Variants in TGS1 observed in about 807,000 individuals in gnomAD.
TGS1 encodes trimethylguanosine synthase 1.
In TGS1, 69 loss-of-function variants were observed where a neutral mutation model predicts 92.2. That is an observed-to-expected ratio of 0.75 (90% CI 0.62 to 0.91). The LOEUF is 0.91. Among genes scored for constraint, TGS1 ranks in the 40% least tolerant of loss-of-function variants. The probability of loss-of-function intolerance (pLI) is 0.00; values close to 1 mark genes in which losing one functional copy is unlikely to be tolerated. For synonymous variants in TGS1, 345 were observed against 338.1 expected (o/e 1.02, Z -0.22); for missense variants, 1,062 against 1,001.2 (o/e 1.06, Z -0.82).
rs1023458578 is a variant in TGS1, at chr8:55,825,908, C to T, written c.*1205C>T. Among the ~76,000 whole-genome samples, 3 of 150,086 alleles carry T rather than the reference C, an allele frequency of 2.0e-5. No individual in the cohort carries two copies. Among genetic ancestry groups the T allele is most frequent in the Non-Finnish European group, 2.9e-5 (2 of 67,800 alleles). On this transcript the variant is annotated 3_prime_UTR_variant, in exon 13 of 13. Transcript: ENST00000260129. ...TTTTTTAGACAGAGTCTTGCTCTGT[C>T]GCCCAGGCTGGAGTGCAATGGCGTG...
At chr8:55,798,135 C>G (rs889063224) in intron 7 of TGS1, among the ~76,000 whole-genome samples, 5 of 152,162 alleles carry the variant, frequency 3.3e-5, no homozygotes, top group African/African-American at 1.2e-4. Context: ...AGATATGTAA[C>G]TGTTGTGTCT....
At chr8:55,786,101 A>G (rs924125664) in intron 3 of TGS1, 137 bp from the exon 4 acceptor site, 1 of 703,392 alleles carries the variant, frequency 1.4e-6, no homozygotes, top group East Asian at 2.8e-5. Context: ...ATAGTATATC[A>G]CTTGTTTGTG....
Position 55,773,649 on chromosome 8 carries a change from G to A in TGS1, c.31G>A (p.Glu11Lys), listed in dbSNP as rs61754981. The change falls in exon 1 of 13, where the codon GAA (glutamate) becomes AAA (lysine). Residue 11 changes from glutamate (E) to lysine (K), a missense_variant. Transcript: ENST00000260129. MCCEKWSRVA[E>K]MFLFIEERED... is the part of the protein sequence containing the mutation. ...CTGCGAGAAGTGGAGCCGCGTGGCG[G>A]AAATGTTTCTCTTCATTGAGGAGCG... 1.9e-6 allele frequency: 3 copies of A among 1,611,338 alleles called. No homozygotes were observed. Among genetic ancestry groups the A allele is most frequent in the East Asian group, 2.2e-5 (1 of 44,556 alleles).
chr8:55,823,126 A>T (rs1361055023), intron 12 of TGS1, among the ~76,000 whole-genome samples: 1 of 152,154 alleles, frequency 6.6e-6, no homozygotes, highest in Non-Finnish European at 1.5e-5. Flanking sequence ...TACTGCCCTG[A>T]AAAACTGATC....
At position 55,786,943 on chromosome 8, in the gene TGS1, A is replaced by G. The variant is rs779677869; in HGVS notation, c.1045A>G (p.Ser349Gly). 2.4e-5 allele frequency: 39 copies of G among 1,614,174 alleles called. No individual in the cohort carries two copies. The highest frequency in any genetic ancestry group is 3.3e-5 in the Non-Finnish European group (39 of 1,180,028). Residue 349 changes from serine to glycine, a missense_variant, in exon 4 of 13, where the codon AGT becomes GGT. By Grantham distance (56) the Ser-to-Gly change is moderately conservative. Transcript: ENST00000260129. ...AAGTCATGATGGTCATCAACAGCTAAGTGAAGTTAGTAGCAAAAGAGAGTG... is the reference window on the plus strand; with the variant it reads ...AAGTCATGATGGTCATCAACAGCTAGGTGAAGTTAGTAGCAAAAGAGAGTG... The part of the protein sequence containing the change: ...CTSHDGHQQL[S>G]EVSSKRECPA...
At chr8:55,814,247 T>A (rs1803412395) in intron 12 of TGS1, among the ~76,000 whole-genome samples, 1 of 152,076 alleles carries the variant, frequency 6.6e-6, no homozygotes, top group South Asian at 2.1e-4. Flanking sequence ...CACGCGCAGC[T>A]GAGTAGCTTT....
At chr8:55,796,173 A>G (rs781502242) in intron 7 of TGS1, 21 bp downstream of exon 7, 4 of 1,540,814 alleles carry the variant, frequency 2.6e-6, no homozygotes, top group Admixed American at 1.8e-5. Flanking sequence ...ATTTTGTTGC[A>G]TATTTGTAGA....
At chr8:55,786,003 CTT>C (rs924560148) in intron 3 of TGS1, 112 bp downstream of exon 3, 12 of 844,188 alleles carry the variant, frequency 1.4e-5, no homozygotes, top group Non-Finnish European at 2.0e-5. Context: ...CTCTCTACCT[CTT>C]TTTAAATGTA....
At chr8:55,795,027 G>A (rs1474304024) in intron 6 of TGS1, among the ~76,000 whole-genome samples, 1 of 152,170 alleles carries the variant, frequency 6.6e-6, no homozygotes, top group Non-Finnish European at 1.5e-5. Flanking sequence ...TCCCTTAGGT[G>A]TTTCAAGGCA....
intron 6 of TGS1, among the ~76,000 whole-genome samples, chr8:55,794,659 A>G (rs1811991580): frequency 6.6e-6 from 1 of 152,232 alleles, no homozygotes; most frequent in Non-Finnish European, 1.5e-5. Flanking sequence ...TATAAAAGAC[A>G]TAAGATTTCT....
intron 8 of TGS1, among the ~76,000 whole-genome samples, chr8:55,801,639 A>G (rs1812218120): frequency 8.8e-6 from 1 of 113,924 alleles, no homozygotes; most frequent in Non-Finnish European, 1.6e-5. Context: ...CCCAGGCTGG[A>G]GTGCAGTGGT....
At chr8:55,813,777 T>A (rs907086557) in intron 12 of TGS1, among the ~76,000 whole-genome samples, 1 of 152,184 alleles carries the variant, frequency 6.6e-6, no homozygotes, top group African/African-American at 2.4e-5. Flanking sequence ...CTTTCCTATC[T>A]ATATTTTCTA....
intron 1 of TGS1, among the ~76,000 whole-genome samples, chr8:55,782,432 A>G (rs2130114546): frequency 6.6e-6 from 1 of 152,232 alleles, no homozygotes; most frequent in East Asian, 1.9e-4. Context: ...TGCCCACTTC[A>G]GCCTCCCAAA....
At chr8:55,818,312 C>G (rs1182755944) in intron 12 of TGS1, among the ~76,000 whole-genome samples, 1 of 152,172 alleles carries the variant, frequency 6.6e-6, no homozygotes, top group Non-Finnish European at 1.5e-5. Context: ...CCTGGGACTA[C>G]AGGTGTGCAC....
chr8:55,816,924 G>A (rs1006301403), intron 12 of TGS1, among the ~76,000 whole-genome samples: 11 of 151,342 alleles, frequency 7.3e-5, no homozygotes, highest in Admixed American at 4.6e-4. Flanking sequence ...GCAGTGGTGC[G>A]ATCTCGGCTT....
chr8:55,782,744 G>T lies in TGS1; in HGVS notation c.102-4G>T. ...CAATATGAACTGCTTAATCTGCTTC[G>T]CAGGGATCGAAAATTGTACAATTTG... is the stretch of plus-strand genomic sequence containing the variant. On this transcript the variant is annotated splice_polypyrimidine_tract_variant and splice_region_variant and intron_variant, in intron 1 of 12. Transcript: ENST00000260129. The T allele has an allele frequency of 1.9e-6, 3 of 1,607,198 alleles. No individual in the cohort carries two copies. The highest frequency in any genetic ancestry group is 1.7e-6 in the Non-Finnish European group (2 of 1,177,536).
chr8:55,810,920 C>A lies in TGS1; in HGVS notation c.2183C>A (p.Ala728Asp). 1.2e-6 allele frequency: 2 copies of A among 1,614,134 alleles called. No individual in the cohort carries two copies. The highest frequency in any genetic ancestry group is 3.3e-4 in the Middle Eastern group (2 of 6,062). Residue 728 changes from alanine to aspartate, a missense_variant, in exon 11 of 13, where the codon GCT (alanine) becomes GAT (aspartate). Transcript: ENST00000260129. ...ATCGATCCTGTTAAGATTGCCCTTGCTCGCAATAATGCAGAAGTTTATGGG... is the reference window on the plus strand; with the variant it reads ...ATCGATCCTGTTAAGATTGCCCTTGATCGCAATAATGCAGAAGTTTATGGG... ...IDIDPVKIAL[A>D]RNNAEVYGIA...
Position 55,802,537 on chromosome 8 carries a change from CTG to C in TGS1, c.1931_1932del (p.Leu644ArgfsTer15), listed in dbSNP as rs1812247764. ...LPPEIAAVPE[L>X]AKYWAQRYRL... is the part of the protein sequence containing the mutation. ...TCCTGAAATAGCTGCTGTTCCTGAG[CTG>C]GCAAAATACTGGGCCCAGAGGTACA... On this transcript the variant is annotated frameshift_variant, in exon 9 of 13. Transcript: ENST00000260129. LOFTEE classifies it high-confidence loss of function. 6.2e-7 allele frequency: 1 copy of C among 1,614,092 alleles called. No homozygotes were observed. The highest frequency in any genetic ancestry group is 1.3e-5 in the African/African-American group (1 of 75,024).
At chr8:55,791,937 A>G (rs1811895971) in intron 5 of TGS1, among the ~76,000 whole-genome samples, 1 of 152,174 alleles carries the variant, frequency 6.6e-6, no homozygotes, top group African/African-American at 2.4e-5. Context: ...TGGACACTTC[A>G]TTTCTTTGAC....
Sources: gnomAD v4.1 joint callset for allele counts (sites outside exome capture counted in the v4.1 genomes callset) on GRCh38, gnomAD v4.1.1 for gene constraint, MANE v1.5 for transcripts, NCBI Gene and HGNC (gene_info 2026-07-23, HGNC 2026-07-21) for gene names.